Variants in LMO7 observed in about 807,000 individuals in gnomAD.
LMO7 encodes LIM domain only protein 7.
Under a neutral mutation model 206.5 loss-of-function variants are expected in LMO7, and 120 were observed. That is an observed-to-expected ratio of 0.58 (90% CI 0.50 to 0.68). LMO7 has a LOEUF of 0.68. LMO7 is among the 30% of genes least tolerant of loss of function. The pLI is 0.00. For synonymous variants in LMO7, 706 were observed against 681.5 expected, an observed-to-expected ratio of 1.04 and a Z score of -0.56; for missense variants, 1,959 against 1,957.9, an observed-to-expected ratio of 1.00 and a Z score of -0.01.
chr13:75,714,153 A>C (rs1209271167), intron 2 of LMO7, among the ~76,000 whole-genome samples: 1 of 152,196 alleles, frequency 6.6e-6, no homozygotes. Flanking sequence ...TGTTTGCAGC[A>C]AAAGGTCTGG....
intron 1 of LMO7, among the ~76,000 whole-genome samples, chr13:75,653,243 T>A: frequency 6.6e-6 from 1 of 152,206 alleles, no homozygotes; most frequent in East Asian, 1.9e-4. Context: ...CAAGCAACTG[T>A]GTCCTGCAAA....
At chr13:75,714,600 G>T (rs1036971040) in intron 2 of LMO7, among the ~76,000 whole-genome samples, 3 of 152,092 alleles carry the variant, frequency 2.0e-5, no homozygotes, top group Non-Finnish European at 4.4e-5. Flanking sequence ...GTGAATAAGG[G>T]CCAGGAATAA....
chr13:75,768,707 G>A (rs1388031132), intron 4 of LMO7, among the ~76,000 whole-genome samples: 1 of 151,950 alleles, frequency 6.6e-6, no homozygotes, highest in Non-Finnish European at 1.5e-5. Context: ...GTCATAAAGA[G>A]GTTATCCTTT....
At chr13:75,697,005 C>A (rs1330976081) in intron 1 of LMO7, among the ~76,000 whole-genome samples, 1 of 152,098 alleles carries the variant, frequency 6.6e-6, no homozygotes, top group Non-Finnish European at 1.5e-5. Context: ...CGTCGACATA[C>A]CTTATGGGCC....
intron 3 of LMO7, among the ~76,000 whole-genome samples, chr13:75,759,752 C>T (rs1247340442): frequency 2.0e-5 from 3 of 151,984 alleles, no homozygotes; most frequent in Non-Finnish European, 2.9e-5. Context: ...TGTGCTTTCC[C>T]GGAATCCCCT....
intron 13 of LMO7, among the ~76,000 whole-genome samples, chr13:75,820,800 T>C (rs1014237994): frequency 2.6e-5 from 4 of 151,974 alleles, no homozygotes; most frequent in Admixed American, 6.6e-5. Flanking sequence ...CGAGATCAGC[T>C]TGGCCAATAT....
chr13:75,690,172 C>A (rs958928306), intron 1 of LMO7, among the ~76,000 whole-genome samples: 17 of 151,864 alleles, frequency 1.1e-4, no homozygotes, highest in Non-Finnish European at 1.5e-5. Context: ...TGGCCTCAAG[C>A]GATCTTTTCA....
intron 6 of LMO7, among the ~76,000 whole-genome samples, chr13:75,797,097 T>C (rs997090241): frequency 6.6e-6 from 1 of 152,328 alleles, no homozygotes; most frequent in South Asian, 2.1e-4. Context: ...CAACCTGTAG[T>C]AGAGAGGTGC....
chr13:75,774,515 C>T (rs552912361), intron 4 of LMO7, among the ~76,000 whole-genome samples: 16 of 152,162 alleles, frequency 1.1e-4, no homozygotes, highest in Middle Eastern at 3.4e-3. Flanking sequence ...ACATTCTCCT[C>T]GACATTTAAT....
At chr13:75,765,799 C>T (rs574627170) in intron 4 of LMO7, among the ~76,000 whole-genome samples, 1 of 152,214 alleles carries the variant, frequency 6.6e-6, no homozygotes, top group South Asian at 2.1e-4. Flanking sequence ...ATTTCTAGTT[C>T]TTAATCTATT....
chr13:75,805,827 C>A, intron 9 of LMO7, 67 bp downstream of exon 9: 1 of 1,460,494 alleles, frequency 6.8e-7, no homozygotes, highest in Non-Finnish European at 9.3e-7. Flanking sequence ...GTTCTATGTG[C>A]ATGTTTTTTA....
chr13:75,733,472 C>A (rs985639111), intron 3 of LMO7, among the ~76,000 whole-genome samples: 3 of 152,184 alleles, frequency 2.0e-5, no homozygotes, highest in African/African-American at 7.2e-5. Context: ...TTTTTAAGCC[C>A]GTCGGAAAAG....
intron 12 of LMO7, among the ~76,000 whole-genome samples, chr13:75,818,753 C>T (rs751263771): frequency 9.9e-5 from 15 of 152,174 alleles, no homozygotes; most frequent in Admixed American, 5.9e-4. Flanking sequence ...CCTTCCCTTC[C>T]GGAGGTGGAA....
intron 1 of LMO7, among the ~76,000 whole-genome samples, chr13:75,638,603 A>T (rs182115573): frequency 7.9e-5 from 12 of 152,238 alleles, no homozygotes; most frequent in African/African-American, 2.9e-4. Context: ...ACAAGGCAGT[A>T]TGTTTGCCTT....
intron 1 of LMO7, among the ~76,000 whole-genome samples, chr13:75,699,738 G>C (rs767745704): frequency 1.4e-4 from 22 of 152,244 alleles, no homozygotes; most frequent in Non-Finnish European, 3.1e-4. Flanking sequence ...TAGAATTGCT[G>C]ATGAGGTTTC....
chr13:75,626,580 T>C (rs1248931436), intron 2 of LMO7, among the ~76,000 whole-genome samples: 4 of 104,416 alleles, frequency 3.8e-5, no homozygotes, highest in Admixed American at 9.6e-5. Context: ...ATATATATTA[T>C]ATATATATAT....
chr13:75,773,482 G>C (rs927475043), intron 4 of LMO7, among the ~76,000 whole-genome samples: 5 of 152,144 alleles, frequency 3.3e-5, no homozygotes, highest in South Asian at 4.1e-4. Flanking sequence ...CTGAGAGAGA[G>C]GTAAGGTAAT....
intron 1 of LMO7, among the ~76,000 whole-genome samples, chr13:75,680,267 A>G (rs1170191044): frequency 6.6e-6 from 1 of 152,192 alleles, no homozygotes; most frequent in Non-Finnish European, 1.5e-5. Context: ...CATGGTGTAT[A>G]TGTACCACAT....
intron 6 of LMO7, among the ~76,000 whole-genome samples, chr13:75,798,385 C>CTT (rs1257464713): frequency 6.6e-6 from 1 of 152,132 alleles, no homozygotes; most frequent in Non-Finnish European, 1.5e-5. Context: ...CCATGTGGGA[C>CTT]TTTGGCTTAT....
Sources: gnomAD v4.1 joint callset for allele counts (sites outside exome capture counted in the v4.1 genomes callset) on GRCh38, gnomAD v4.1.1 for gene constraint, MANE v1.5 for transcripts, NCBI Gene and HGNC (gene_info 2026-07-23, HGNC 2026-07-21) for gene names.